MRPS27: variants seen among roughly 807,000 people sequenced by gnomAD.
MRPS27 encodes small ribosomal subunit protein mS27.
MRPS27 carries 43 observed loss-of-function variants against 48.9 expected under a neutral mutation model. That is an observed-to-expected ratio of 0.88 (90% confidence interval 0.69 to 1.13). The LOEUF (loss-of-function observed/expected upper bound fraction) is 1.13, where lower values mean the gene tolerates loss of function less well. Among genes scored for constraint, MRPS27 ranks in the 50% most tolerant of loss-of-function variants. The probability of loss-of-function intolerance (pLI) is 0.00; values close to 1 mark genes in which losing one functional copy is unlikely to be tolerated. For missense variants in MRPS27, 467 were observed against 476.3 expected (o/e 0.98, Z 0.18); for synonymous variants, 188 against 171.9 (o/e 1.09, Z -0.73).
At chr5:72,247,930 TA>T (rs1316781146) in intron 4 of MRPS27, among the ~76,000 whole-genome samples, 2 of 152,200 alleles carry the variant, frequency 1.3e-5, no homozygotes, top group Admixed American at 1.3e-4. Context: ...ATTTGTAGTT[TA>T]AAAAGGAAAG....
intron 4 of MRPS27, among the ~76,000 whole-genome samples, chr5:72,281,494 A>G (rs1057503173): frequency 4.6e-5 from 7 of 152,222 alleles, no homozygotes; most frequent in African/African-American, 1.7e-4. Context: ...CTGAATAGGT[A>G]AAACAAAATT....
intron 2 of MRPS27, among the ~76,000 whole-genome samples, chr5:72,307,185 C>G (rs977321807): frequency 1.3e-5 from 2 of 152,108 alleles, no homozygotes; most frequent in African/African-American, 4.8e-5. Context: ...GACCCCATCT[C>G]TGCTAAAAAT....
chr5:72,287,275 A>AC (rs1398029811), intron 4 of MRPS27, among the ~76,000 whole-genome samples: 2 of 152,088 alleles, frequency 1.3e-5, no homozygotes, highest in African/African-American at 4.8e-5. Flanking sequence ...AAGGTTGGTG[A>AC]CCCCTACCTT....
chr5:72,255,040 T>C (rs1308071088), intron 4 of MRPS27, among the ~76,000 whole-genome samples: 111 of 135,074 alleles, frequency 8.2e-4, no homozygotes, highest in African/African-American at 2.8e-3. Context: ...TTTTTTTTTT[T>C]TTTTTTTTTT....
chr5:72,234,594 AT>A (rs368428370), intron 5 of MRPS27, among the ~76,000 whole-genome samples: 122 of 152,262 alleles, frequency 8.0e-4, no homozygotes, highest in African/African-American at 2.8e-3. Context: ...GAAAGCAGAC[AT>A]TACACAGCAT....
chr5:72,261,525 A>C lies in MRPS27; in HGVS notation c.282-23397T>G, dbSNP rs186255387. Among the ~76,000 whole-genome samples, 570 of 152,170 alleles carry C rather than the reference A, an allele frequency of 3.7e-3. 1 individual carries two copies. The highest frequency in any genetic ancestry group is 0.013 in the African/African-American group (549 of 41,462). On this transcript the variant is annotated intron_variant, in intron 4 of 10. Coordinates refer to ENST00000261413, the MANE Select transcript of MRPS27 (RefSeq NM_015084.3). ...GCTATAGACTCACAGGAAAAAAAAAAACAAAAACTGTTACTGTACTTGGAT... is the reference window on the plus strand; with the variant it reads ...GCTATAGACTCACAGGAAAAAAAAACACAAAAACTGTTACTGTACTTGGAT...
At position 72,311,147 on chromosome 5, in the gene MRPS27, A is replaced by G. The variant is rs997193580; in HGVS notation, c.151+2934T>C. ...GACCCTATTATTGGGTCAATTCCCAAAACTGGGATATGAATAGTAAAGTAT... is the reference window on the plus strand; with the variant it reads ...GACCCTATTATTGGGTCAATTCCCAGAACTGGGATATGAATAGTAAAGTAT... On this transcript the variant is annotated intron_variant, in intron 2 of 10. Transcript: ENST00000261413. Among the ~76,000 whole-genome samples the G allele has an allele frequency of 2.6e-5, 4 of 152,326 alleles. No individual in the cohort carries two copies. The East Asian group carries it at 5.8e-4, about 22-fold the overall frequency.
At chr5:72,291,698 T>G (rs1448713060) in intron 4 of MRPS27, among the ~76,000 whole-genome samples, 1 of 152,260 alleles carries the variant, frequency 6.6e-6, no homozygotes, top group Non-Finnish European at 1.5e-5. Context: ...TTTATTCTTA[T>G]GCAAGTTCAC....
At chr5:72,301,445 T>C (rs1422233789) in intron 2 of MRPS27, among the ~76,000 whole-genome samples, 2 of 152,190 alleles carry the variant, frequency 1.3e-5, no homozygotes, top group African/African-American at 4.8e-5. Flanking sequence ...TGAGAGGCAA[T>C]ATGAGAAATT....
At position 72,238,079 on chromosome 5, in the gene MRPS27, T is replaced by C; in HGVS notation, c.331A>G (p.Thr111Ala). 18 of 1,613,572 alleles carry C rather than the reference T, an allele frequency of 1.1e-5. No individual in the cohort carries two copies. The highest frequency in any genetic ancestry group is 1.5e-5 in the Non-Finnish European group (18 of 1,179,694). Residue 111 changes from threonine (T) to alanine (A), a missense_variant, in exon 5 of 11, where the codon ACC becomes GCC. Coordinates refer to ENST00000261413, the MANE Select transcript of MRPS27 (RefSeq NM_015084.3). The stretch of plus-strand genomic sequence containing the variant: ...TATTTTAGACACTGCCTAATCCAGG[T>C]GTGGATAGTCCAGTTTCTCAGGTAC... ...CWYLRNWTIH[T>A]WIRQCLKYDA...
intron 4 of MRPS27, among the ~76,000 whole-genome samples, chr5:72,255,029 CTTTTTTTTTTTT>C (rs70999273): frequency 3.3e-4 from 24 of 72,096 alleles, no homozygotes; most frequent in African/African-American, 1.1e-3. Context: ...CATTTCTTTT[CTTTTTTTTTTTT>C]TTTTTTTTTT....
At chr5:72,234,341 T>C (rs1748146012) in intron 5 of MRPS27, 144 bp from the exon 6 acceptor site, 1 of 751,016 alleles carries the variant, frequency 1.3e-6, no homozygotes. Flanking sequence ...TCTGTGACAG[T>C]GAAACAGAAG....
At chr5:72,247,694 T>G (rs975607031) in intron 4 of MRPS27, among the ~76,000 whole-genome samples, 6 of 152,258 alleles carry the variant, frequency 3.9e-5, no homozygotes, top group African/African-American at 1.2e-4. Context: ...CATTTTATTT[T>G]CTACTCAAAT....
intron 6 of MRPS27, 146 bp downstream of exon 6, chr5:72,233,973 A>G: frequency 2.3e-6 from 2 of 851,404 alleles, no homozygotes; most frequent in Non-Finnish European, 3.2e-6. Flanking sequence ...AATTTTGCAT[A>G]AAAGATAATC....
chr5:72,292,585 C>G (rs1232451230), intron 4 of MRPS27, among the ~76,000 whole-genome samples: 1 of 152,192 alleles, frequency 6.6e-6, no homozygotes, highest in Admixed American at 6.5e-5. Context: ...CCCTGAGCTG[C>G]TGGAACTTGG....
intron 3 of MRPS27, among the ~76,000 whole-genome samples, chr5:72,296,527 C>A (rs1203225895): frequency 1.3e-5 from 2 of 152,092 alleles, no homozygotes; most frequent in African/African-American, 2.4e-5. Flanking sequence ...GTATAAGGCA[C>A]CAATGAGAAA....
At chr5:72,279,982 A>G (rs902854314) in intron 4 of MRPS27, among the ~76,000 whole-genome samples, 1 of 152,228 alleles carries the variant, frequency 6.6e-6, no homozygotes, top group Non-Finnish European at 1.5e-5. Flanking sequence ...GCATTTATTA[A>G]CTAATCCATT....
Position 72,297,650 on chromosome 5 carries a change from A to G in MRPS27, c.204T>C (p.Ser68=). 6.2e-7 allele frequency: 1 copy of G among 1,600,138 alleles called. No homozygotes were observed. The highest frequency in any genetic ancestry group is 8.5e-7 in the Non-Finnish European group (1 of 1,172,416). Reference sequence around the variant, plus strand: ...TTCTTACCCGTGATATTGTTAAAGAACTAACAGGCAACTTTCTCTCAAATG... The same window carrying G: ...TTCTTACCCGTGATATTGTTAAAGAGCTAACAGGCAACTTTCTCTCAAATG... ...DKTFERKLPV[S]SLTISRLIDN... Residue 68 remains serine, a synonymous_variant, in exon 3 of 11, where the codon AGT becomes AGC. Coordinates refer to ENST00000261413, the MANE Select transcript of MRPS27 (RefSeq NM_015084.3).
chr5:72,263,388 C>T (rs1317666460), intron 4 of MRPS27, among the ~76,000 whole-genome samples: 1 of 151,350 alleles, frequency 6.6e-6, no homozygotes, highest in South Asian at 2.1e-4. Flanking sequence ...AGATATGACA[C>T]CAAAAGCATT....
Sources: allele counts gnomAD v4.1 joint callset (sites outside exome capture counted in the v4.1 genomes callset), GRCh38; gene constraint gnomAD v4.1.1; transcripts MANE v1.5; gene names NCBI Gene and HGNC (gene_info 2026-07-23, HGNC 2026-07-21).